Variants in OPCML observed in about 807,000 individuals in gnomAD.
OPCML encodes opioid-binding protein/cell adhesion molecule.
Under a neutral mutation model 37.8 loss-of-function variants are expected in OPCML, and 13 were observed. The observed-to-expected ratio is 0.34, with a 90% CI of 0.22 to 0.55. The LOEUF (loss-of-function observed/expected upper bound fraction) is 0.55. Among genes scored for constraint, OPCML ranks in the 20% least tolerant of loss-of-function variants. OPCML has a pLI of 0.91. For synonymous variants in OPCML, 176 were observed against 168.8 expected (o/e 1.04, Z -0.33); for missense variants, 341 against 435.6 (o/e 0.78, Z 1.93).
intron 1 of OPCML, among the ~76,000 whole-genome samples, chr11:132,980,342 T>G (rs1392437562): frequency 6.6e-6 from 1 of 152,222 alleles, no homozygotes; most frequent in Non-Finnish European, 1.5e-5. Flanking sequence ...ATTAAATCTC[T>G]GAAAGAAGAA....
intron 1 of OPCML, among the ~76,000 whole-genome samples, chr11:133,406,563 C>T (rs1348064969): frequency 6.6e-6 from 1 of 152,180 alleles, no homozygotes; most frequent in African/African-American, 2.4e-5. Flanking sequence ...CGAGCTTTCC[C>T]TGGGTTGCCC....
chr11:132,848,369 A>ATATACC (rs1941647324), intron 2 of OPCML, among the ~76,000 whole-genome samples: 1 of 152,246 alleles, frequency 6.6e-6, no homozygotes, highest in African/African-American at 2.4e-5. Context: ...ATATATTCAC[A>ATATACC]TATACCTGCC....
intron 2 of OPCML, among the ~76,000 whole-genome samples, chr11:132,825,890 T>C (rs1243572251): frequency 6.6e-6 from 1 of 152,212 alleles, no homozygotes; most frequent in Non-Finnish European, 1.5e-5. Flanking sequence ...CCCAGTCAAT[T>C]ACTCTTGCTT....
At chr11:132,792,866 A>G (rs1338149540) in intron 2 of OPCML, among the ~76,000 whole-genome samples, 1 of 152,166 alleles carries the variant, frequency 6.6e-6, no homozygotes, top group Non-Finnish European at 1.5e-5. Context: ...CCCGGGCAGC[A>G]CAGCAGCGCC....
chr11:132,779,831 T>C (rs1024849684), intron 2 of OPCML, among the ~76,000 whole-genome samples: 1 of 152,230 alleles, frequency 6.6e-6, no homozygotes, highest in Non-Finnish European at 1.5e-5. Flanking sequence ...TTAAGATTTG[T>C]TTAATGGTCT....
chr11:132,889,669 T>C (rs1371582946), intron 2 of OPCML, among the ~76,000 whole-genome samples: 1 of 152,230 alleles, frequency 6.6e-6, no homozygotes, highest in Non-Finnish European at 1.5e-5. Context: ...CAGTATTTTG[T>C]CTTCCAACTC....
chr11:132,463,848 T>C (rs897290210), intron 4 of OPCML, among the ~76,000 whole-genome samples: 1 of 152,212 alleles, frequency 6.6e-6, no homozygotes. Flanking sequence ...CTATTGCTAG[T>C]CTAGCTACTG....
chr11:133,276,799 C>A (rs1357062512), intron 1 of OPCML, among the ~76,000 whole-genome samples: 2 of 152,028 alleles, frequency 1.3e-5, no homozygotes, highest in African/African-American at 4.8e-5. Flanking sequence ...TATGACAGTT[C>A]TTTTTCTTTA....
chr11:132,712,070 A>G (rs555511281), intron 2 of OPCML, among the ~76,000 whole-genome samples: 4 of 152,156 alleles, frequency 2.6e-5, no homozygotes, highest in Non-Finnish European at 5.9e-5. Context: ...CACCCTCTAA[A>G]GCCCCTGTCC....
chr11:133,055,469 G>A lies in OPCML; in HGVS notation c.62-112459C>T, dbSNP rs111438342. 2.8e-3 allele frequency among the ~76,000 whole-genome samples: 372 copies of A among 133,084 alleles called. 4 individuals carry two copies. The highest frequency in any genetic ancestry group is 9.6e-3 in the African/African-American group (334 of 34,670). The allele number at this position is 133,084 out of a possible 152,430, so 87.3% of individuals were successfully genotyped here. ...AGTGGTGAGACTTCATGAGGGAGCC[G>A]CCTCTACCGTACAATGCTGCCTCCA... is the stretch of plus-strand genomic sequence containing the variant. On this transcript the variant is annotated intron_variant, in intron 1 of 7. Coordinates refer to ENST00000524381, the MANE Select transcript of OPCML (RefSeq NM_001012393.5).
At chr11:133,204,530 C>T (rs938232536) in intron 1 of OPCML, among the ~76,000 whole-genome samples, 3 of 152,132 alleles carry the variant, frequency 2.0e-5, no homozygotes, top group Admixed American at 6.5e-5. Context: ...TCACTAGGCA[C>T]CTGTGAACAC....
intron 4 of OPCML, among the ~76,000 whole-genome samples, chr11:132,462,180 G>T (rs2096104421): frequency 6.6e-6 from 1 of 152,162 alleles, no homozygotes; most frequent in Non-Finnish European, 1.5e-5. Context: ...GTCCACTGGA[G>T]AATTACTTGC....
chr11:132,605,469 TAGG>T (rs1203857132), intron 3 of OPCML, among the ~76,000 whole-genome samples: 1 of 150,716 alleles, frequency 6.6e-6, no homozygotes, highest in African/African-American at 2.4e-5. Flanking sequence ...GAGGCTGAGG[TAGG>T]AGAATAGCCT....
intron 4 of OPCML, among the ~76,000 whole-genome samples, chr11:132,441,498 A>G (rs2096035356): frequency 6.6e-6 from 1 of 152,092 alleles, no homozygotes; most frequent in South Asian, 2.1e-4. Context: ...AGGCTGTAAG[A>G]CTGCAATATT....
At chr11:132,629,560 C>G (rs1196630171) in intron 3 of OPCML, among the ~76,000 whole-genome samples, 1 of 152,186 alleles carries the variant, frequency 6.6e-6, no homozygotes, top group African/African-American at 2.4e-5. Flanking sequence ...TACCAAAATA[C>G]TGTTACATAA....
At chr11:133,001,189 G>T (rs1190309614) in intron 1 of OPCML, among the ~76,000 whole-genome samples, 1 of 152,116 alleles carries the variant, frequency 6.6e-6, no homozygotes, top group Non-Finnish European at 1.5e-5. Context: ...TCTTTAAAAA[G>T]AAACAATAAT....
intron 1 of OPCML, among the ~76,000 whole-genome samples, chr11:133,283,213 C>T (rs1942206313): frequency 6.6e-6 from 1 of 152,040 alleles, no homozygotes; most frequent in South Asian, 2.1e-4. Context: ...GAAATGTGAC[C>T]TCTAATGTTG....
At chr11:133,476,028 C>T (rs1947230724) in intron 1 of OPCML, among the ~76,000 whole-genome samples, 1 of 152,148 alleles carries the variant, frequency 6.6e-6, no homozygotes, top group Admixed American at 6.5e-5. Context: ...TCAAAAGCTT[C>T]TAAGGACCAC....
chr11:133,405,699 G>A (rs914361644), intron 1 of OPCML, among the ~76,000 whole-genome samples: 1 of 151,466 alleles, frequency 6.6e-6, no homozygotes, highest in African/African-American at 2.4e-5. Flanking sequence ...GCCACTGACA[G>A]GGACAACAGC....
Sources: allele counts gnomAD v4.1 joint callset (sites outside exome capture counted in the v4.1 genomes callset), GRCh38; gene constraint gnomAD v4.1.1; transcripts MANE v1.5; gene names NCBI Gene and HGNC (gene_info 2026-07-23, HGNC 2026-07-21).